Variants in COL17A1 observed in about 807,000 individuals in gnomAD.
COL17A1 encodes collagen type XVII alpha 1 chain, also known as collagen alpha-1(XVII) chain.
COL17A1 carries 181 observed loss-of-function variants against 218.4 expected under a neutral mutation model. The ratio of observed to expected loss-of-function variants is 0.83; its 90% CI spans 0.73 to 0.94. COL17A1 has a LOEUF of 0.94. Among genes scored for constraint, COL17A1 ranks in the 40% least tolerant of loss-of-function variants. The pLI, the probability that COL17A1 is intolerant of heterozygous loss-of-function variation, is 0.00. For missense variants in COL17A1, 1,924 were observed against 1,945.9 expected (o/e 0.99, Z 0.21); for synonymous variants, 721 against 731.0 (o/e 0.99, Z 0.22).
chr10:104,044,274 G>A (rs2086388436), intron 33 of COL17A1, among the ~76,000 whole-genome samples: 1 of 152,242 alleles, frequency 6.6e-6, no homozygotes, highest in African/African-American at 2.4e-5. Flanking sequence ...AGAGTGCTCT[G>A]TGGGACAGTT....
intron 7 of COL17A1, 47 bp from the exon 8 acceptor site, chr10:104,072,126 A>C (rs759322262): frequency 6.2e-7 from 1 of 1,613,158 alleles, no homozygotes; most frequent in Non-Finnish European, 8.5e-7. Context: ...AGGAGCTTAG[A>C]TCACAATCCC....
intron 9 of COL17A1, among the ~76,000 whole-genome samples, chr10:104,068,961 C>T (rs572699051): frequency 1.3e-5 from 2 of 152,308 alleles, no homozygotes; most frequent in African/African-American, 4.8e-5. Context: ...AATGAGAAAA[C>T]TGATGTCCAT....
Position 104,041,088 on chromosome 10 carries a change from G to A in COL17A1, c.2678C>T (p.Pro893Leu), listed in dbSNP as rs1375975571. ...ACCTGAGTTGGACAGGAACGATCCTGGTGGGCCTGGTGGGCCTGGCAAACC... is the reference window on the plus strand; with the variant it reads ...ACCTGAGTTGGACAGGAACGATCCTAGTGGGCCTGGTGGGCCTGGCAAACC... ...GEGLPGPPGP[P>L]GSFLSNSETF... Residue 893 changes from proline to leucine, a missense_variant, in exon 39 of 56, where the codon CCA (proline) becomes CTA (leucine). By Grantham distance (98) the Pro-to-Leu change is moderately conservative. Transcript: ENST00000648076. 3.7e-6 allele frequency: 6 copies of A among 1,613,954 alleles called. No individual in the cohort carries two copies. In the East Asian group the frequency reaches 8.9e-5, roughly 24 times the overall value.
intron 17 of COL17A1, 39 bp from the exon 18 acceptor site, chr10:104,056,042 G>A (rs551610577): frequency 1.3e-5 from 21 of 1,611,008 alleles, no homozygotes; most frequent in Admixed American, 8.3e-5. Flanking sequence ...CTGAGGGCCC[G>A]GTCCTTCGCC....
At chr10:104,080,552 T>TTA in intron 2 of COL17A1, 70 bp downstream of exon 2, 1 of 1,547,842 alleles carries the variant, frequency 6.5e-7, no homozygotes, top group East Asian at 2.3e-5. Context: ...AATGAATTAC[T>TTA]TATTCTGTTT....
chr10:104,062,461 T>C, intron 11 of COL17A1, 132 bp from the exon 12 acceptor site: 7 of 1,212,190 alleles, frequency 5.8e-6, no homozygotes, highest in Non-Finnish European at 8.4e-6. Flanking sequence ...CTTCCTCGGT[T>C]CCCACACTCT....
chr10:104,067,650 C>G (rs1412920606), intron 9 of COL17A1, among the ~76,000 whole-genome samples: 1 of 151,988 alleles, frequency 6.6e-6, no homozygotes, highest in East Asian at 1.9e-4. Flanking sequence ...GGCAAGGGAG[C>G]CGGCTGTGCA....
At chr10:104,047,133 A>G (rs2086418859) in intron 31 of COL17A1, among the ~76,000 whole-genome samples, 1 of 152,114 alleles carries the variant, frequency 6.6e-6, no homozygotes, top group Admixed American at 6.6e-5. Flanking sequence ...CACCCGCCAA[A>G]GGAGGCTGAG....
At position 104,039,608 on chromosome 10, in the gene COL17A1, C is replaced by G; in HGVS notation, c.2821G>C (p.Gly941Arg). 1 of 1,614,186 alleles carries G rather than the reference C, an allele frequency of 6.2e-7. No individual in the cohort carries two copies. The highest frequency in any genetic ancestry group is 8.5e-7 in the Non-Finnish European group (1 of 1,180,032). The change falls in exon 42 of 56, where the codon GGG becomes CGG. Residue 941 changes from glycine to arginine, a missense_variant and splice_region_variant. Gly to Arg is a moderately radical substitution (Grantham distance 125). Transcript: ENST00000648076. ...GAATGGGGCGGGGTTCAGCCCTTAC[C>G]TGAGGTTGAGAAACCTGGGAGGCCT... ...EQGLPGFSTS[G>R]SSSFGLNLQG...
intron 27 of COL17A1, 28 bp downstream of exon 27, chr10:104,050,593 A>G: frequency 6.2e-7 from 1 of 1,612,542 alleles, no homozygotes; most frequent in Non-Finnish European, 8.5e-7. Flanking sequence ...AGGCCCTGGT[A>G]ATGACAGAGC....
Position 104,052,165 on chromosome 10 carries a change from C to T in COL17A1, c.1992G>A (p.Val664=). ...GCACACTGGACTTACCTTTGGGACC[C>T]ACAGAACCTGGGACACCAGGTGGGC... is the stretch of plus-strand genomic sequence containing the variant. ...PHGPPGVPGS[V]GPKGSSGSPG... is the part of the protein sequence containing the mutation. The change falls in exon 24 of 56, where the codon GTG becomes GTA. Residue 664 remains valine, a synonymous_variant. Transcript: ENST00000648076. 1 of 1,614,142 alleles carries T rather than the reference C, an allele frequency of 6.2e-7. No homozygotes were observed. Among genetic ancestry groups the T allele is most frequent in the Non-Finnish European group, 8.5e-7 (1 of 1,180,004 alleles).
At chr10:104,052,918 G>C in intron 23 of COL17A1, 113 bp downstream of exon 23, 3 of 1,318,930 alleles carry the variant, frequency 2.3e-6, no homozygotes. Context: ...TGGGTGCTCA[G>C]TAAATGAAGG....
intron 38 of COL17A1, 43 bp from the exon 39 acceptor site, chr10:104,041,161 A>G (rs1379382323): frequency 6.2e-7 from 1 of 1,609,098 alleles, no homozygotes; most frequent in Non-Finnish European, 8.5e-7. Context: ...CCAAGAGGGG[A>G]GCCAGGAACC....
intron 11 of COL17A1, 99 bp from the exon 12 acceptor site, chr10:104,062,428 G>T: frequency 6.5e-7 from 1 of 1,529,056 alleles, no homozygotes; most frequent in Non-Finnish European, 9.0e-7. Flanking sequence ...CATGATCAAT[G>T]GTTTTGCCAA....
intron 8 of COL17A1, 82 bp from the exon 9 acceptor site, chr10:104,070,651 C>T: frequency 6.2e-7 from 1 of 1,611,196 alleles, no homozygotes; most frequent in Non-Finnish European, 8.5e-7. Context: ...ACATTTGTGG[C>T]ATTCTGACTA....
intron 48 of COL17A1, 48 bp downstream of exon 48, chr10:104,036,444 C>G (rs916569406): frequency 6.2e-6 from 10 of 1,612,620 alleles, no homozygotes; most frequent in Admixed American, 3.3e-5. Context: ...GAGTCCTCAT[C>G]CCAGTCATCC....
chr10:104,073,978 T>A, intron 6 of COL17A1: 1 of 695,614 alleles, frequency 1.4e-6, no homozygotes, highest in Admixed American at 2.4e-5. Flanking sequence ...GAGCAAAGGC[T>A]TATGACAGCA....
intron 52 of COL17A1, 77 bp from the exon 53 acceptor site, chr10:104,033,452 G>T: frequency 6.5e-7 from 1 of 1,538,358 alleles, no homozygotes; most frequent in Admixed American, 1.9e-5. Context: ...AGTGCCCTCC[G>T]AGTGTCAAAC....
At chr10:104,058,805 A>G (rs902056715) in intron 15 of COL17A1, among the ~76,000 whole-genome samples, 5 of 152,192 alleles carry the variant, frequency 3.3e-5, no homozygotes, top group African/African-American at 9.6e-5. Flanking sequence ...GTGGTGGCAC[A>G]TGACTGTAGT....
Sources: allele counts gnomAD v4.1 joint callset (sites outside exome capture counted in the v4.1 genomes callset), GRCh38; gene constraint gnomAD v4.1.1; transcripts MANE v1.5; gene names NCBI Gene and HGNC (gene_info 2026-07-23, HGNC 2026-07-21).